The following LYN variants were observed in gnomAD, a reference collection of about 807,000 sequenced individuals.
The protein encoded by LYN is LYN proto-oncogene, Src family tyrosine kinase, also known as tyrosine-protein kinase Lyn.
A neutral mutation model predicts 65.0 loss-of-function variants in LYN; 12 were observed. The observed-to-expected ratio is 0.18, with a 90% CI of 0.12 to 0.30. The LOEUF is 0.30. LYN is among the 10% of genes least tolerant of loss of function. LYN has a pLI of 1.00. For synonymous variants in LYN, 222 were observed against 221.2 expected (o/e 1.00, Z -0.03); for missense variants, 380 against 623.2 (o/e 0.61, Z 4.16).
At chr8:55,990,391 A>C (rs1362864833) in intron 10 of LYN, among the ~76,000 whole-genome samples, 1 of 152,158 alleles carries the variant, frequency 6.6e-6, no homozygotes, top group Admixed American at 6.5e-5. Flanking sequence ...GACTTCAGGT[A>C]GCAGGCCTCA....
Position 55,953,911 on chromosome 8 carries a change from C to T in LYN, c.717C>T (p.Ala239=), listed in dbSNP as rs750913605. The T allele has an allele frequency of 1.9e-5, 31 of 1,614,008 alleles. No homozygotes were observed. The highest frequency in any genetic ancestry group is 2.6e-5 in the Non-Finnish European group (31 of 1,180,020). Residue 239 remains alanine (A), a synonymous_variant, in exon 8 of 13, where the codon GCC becomes GCT. Coordinates refer to ENST00000519728, the MANE Select transcript of LYN (RefSeq NM_002350.4). ...CACAGAAGCCATGGGATAAAGATGC[C>T]TGGGAGATCCCCCGGGAGTCCATCA... ...PKPQKPWDKD[A]WEIPRESIKL...
At chr8:55,939,444 C>G (rs1412331825) in intron 1 of LYN, among the ~76,000 whole-genome samples, 1 of 148,122 alleles carries the variant, frequency 6.8e-6, no homozygotes, top group Non-Finnish European at 1.5e-5. Flanking sequence ...TTGTTTCCGT[C>G]CTTCCTTTTC....
chr8:55,922,929 G>C (rs947648530), intron 1 of LYN, among the ~76,000 whole-genome samples: 7 of 152,186 alleles, frequency 4.6e-5, no homozygotes, highest in Non-Finnish European at 8.8e-5. Flanking sequence ...GGGTTTAGTA[G>C]AGAAAGGAGA....
chr8:55,999,306 G>A, intron 11 of LYN, 112 bp from the exon 12 acceptor site: 1 of 924,352 alleles, frequency 1.1e-6, no homozygotes, highest in South Asian at 1.6e-5. Context: ...GGTGACAAGA[G>A]TGAAACTCCG....
At chr8:55,884,859 C>T (rs7816785) in intron 1 of LYN, among the ~76,000 whole-genome samples, 90,543 of 152,046 alleles carry the variant, frequency 0.6, 27,166 homozygotes, top group East Asian at 0.67. Context: ...TTGTTTATCC[C>T]CTTCATCCTG....
intron 10 of LYN, among the ~76,000 whole-genome samples, chr8:55,979,807 C>T (rs1232077536): frequency 6.6e-6 from 1 of 152,238 alleles, no homozygotes; most frequent in Non-Finnish European, 1.5e-5. Flanking sequence ...CAAGCAGCAG[C>T]CTGACACCCT....
chr8:56,002,737 G>A lies in LYN; in HGVS notation c.1336+3188G>A, dbSNP rs138613625. Among the ~76,000 whole-genome samples, 405 of 152,056 alleles carry A rather than the reference G, an allele frequency of 2.7e-3. 3 individuals are homozygous for A. Among genetic ancestry groups the A allele is most frequent in the African/African-American group, 8.2e-3 (341 of 41,464 alleles). On this transcript the variant is annotated intron_variant, in intron 12 of 12. Transcript: ENST00000519728. The stretch of plus-strand genomic sequence containing the variant: ...ATGGAAGAACACACCAGAATCCATC[G>A]ACTAGTCTGTTCCCTGATTGGCTTG...
Position 55,880,110 on chromosome 8 carries a change from C to A in LYN, c.-6+7C>A, listed in dbSNP as rs563071394. 2.4e-4 allele frequency: 67 copies of A among 278,434 alleles called. No homozygotes were observed. The highest frequency in any genetic ancestry group is 1.5e-3 in the African/African-American group (64 of 43,364). The allele number at this position is 278,434 out of a possible 1,614,324, so 17.2% of individuals were successfully genotyped here. A position where few individuals can be genotyped will look rare whatever the true frequency, so the allele number is the denominator to read the frequency against. ...AAACTTTCACCGCGAGCGGGTGAGT[C>A]CTCTGCGCGAGCCCAGGGGTGGGCG... On this transcript the variant is annotated splice_region_variant and intron_variant, in intron 1 of 12. Transcript: ENST00000519728.
At chr8:55,988,291 GGT>G (rs57413136) in intron 10 of LYN, among the ~76,000 whole-genome samples, 3,752 of 141,934 alleles carry the variant, frequency 0.026, 146 homozygotes, top group East Asian at 0.13. Context: ...CAAACTCCCT[GGT>G]GTGTGTGTGT....
intron 4 of LYN, among the ~76,000 whole-genome samples, chr8:55,948,125 C>T (rs1055203194): frequency 2.0e-5 from 3 of 152,138 alleles, no homozygotes; most frequent in African/African-American, 7.2e-5. Context: ...AGGCATGTGC[C>T]ACCAGGCCTG....
chr8:55,892,336 C>A (rs1804982916), intron 1 of LYN, among the ~76,000 whole-genome samples: 1 of 152,198 alleles, frequency 6.6e-6, no homozygotes, highest in Non-Finnish European at 1.5e-5. Flanking sequence ...AGGAGAATCA[C>A]TTGAACCTAG....
intron 10 of LYN, among the ~76,000 whole-genome samples, chr8:55,979,050 C>CTTTTTTTTTTTTTTT (rs11287133): frequency 1.3e-5 from 1 of 74,294 alleles, no homozygotes; most frequent in Admixed American, 1.6e-4. Context: ...ACTTCTCATT[C>CTTTTTTTTTTTTTTT]TTTTTTTTTT....
rs375855491 is a variant in LYN at position 55,957,632 on chromosome 8, G to A, written c.790+3648G>A. On this transcript the variant is annotated intron_variant, in intron 8 of 12. Transcript: ENST00000519728. ...AACTGCTTGAGTGAATTATTTCTTA[G>A]TAACACTGTTTTTAAAGATGCAGTT... Among the ~76,000 whole-genome samples the A allele has an allele frequency of 6.6e-5, 10 of 152,264 alleles. No homozygotes were observed. The East Asian group carries it at 9.6e-4, about 15-fold the overall frequency.
chr8:56,011,342 C>A lies in LYN; in HGVS notation c.*1232C>A, dbSNP rs1808811802. ...GCTGTTGTGTATATACCTAATATTT[C>A]TATTTTTGATTTTATTTTAATACAC... On this transcript the variant is annotated 3_prime_UTR_variant, in exon 13 of 13. Transcript: ENST00000519728. 2 of 218,882 alleles carry A rather than the reference C, an allele frequency of 9.1e-6. No homozygotes were observed. The highest frequency in any genetic ancestry group is 1.4e-4 in the East Asian group (2 of 14,702). 13.6% of individuals were successfully genotyped at this position (218,882 alleles called of 1,614,324 possible).
At chr8:56,002,855 G>C (rs1808558283) in intron 12 of LYN, among the ~76,000 whole-genome samples, 1 of 151,920 alleles carries the variant, frequency 6.6e-6, no homozygotes, top group South Asian at 2.1e-4. Context: ...AGAGCCTCTA[G>C]CATTAGGGTT....
intron 1 of LYN, among the ~76,000 whole-genome samples, chr8:55,895,904 C>T (rs1191465055): frequency 6.6e-6 from 1 of 152,140 alleles, no homozygotes; most frequent in African/African-American, 2.4e-5. Flanking sequence ...TCCCTACCCA[C>T]TCCCTACTCA....
rs182853489 is a variant in LYN at position 55,904,960 on chromosome 8, C to T, written c.-6+24857C>T. ...ATCAATGGGGAGCATTTAAACCTCC[C>T]CATGCCCAAGCTGTTCCCTAACCAA... On this transcript the variant is annotated intron_variant, in intron 1 of 12. Coordinates refer to ENST00000519728, the MANE Select transcript of LYN (RefSeq NM_002350.4). Among the ~76,000 whole-genome samples the T allele has an allele frequency of 1.7e-3, 264 of 152,264 alleles. 2 individuals are homozygous for T. Among genetic ancestry groups the T allele is most frequent in the African/African-American group, 6.0e-3 (251 of 41,564 alleles).
chr8:55,887,561 T>A (rs13280991), intron 1 of LYN, among the ~76,000 whole-genome samples: 7,566 of 63,600 alleles, frequency 0.12, 413 homozygotes, highest in African/African-American at 0.16. Context: ...AATATAAATA[T>A]ATATATATAT....
At chr8:55,934,325 C>T (rs1806361680) in intron 1 of LYN, among the ~76,000 whole-genome samples, 1 of 152,214 alleles carries the variant, frequency 6.6e-6, no homozygotes, top group Non-Finnish European at 1.5e-5. Context: ...TGAATCTTTT[C>T]AAATGTAGTC....
Sources: gnomAD v4.1 joint callset for allele counts (sites outside exome capture counted in the v4.1 genomes callset) on GRCh38, gnomAD v4.1.1 for gene constraint, MANE v1.5 for transcripts, NCBI Gene and HGNC (gene_info 2026-07-23, HGNC 2026-07-21) for gene names.